Variants in DYNC2I2 observed in about 807,000 individuals in gnomAD.
The protein encoded by DYNC2I2 is dynein 2 intermediate chain 2, also known as cytoplasmic dynein 2 intermediate chain 2.
DYNC2I2 carries 39 observed loss-of-function variants against 52.0 expected under a neutral mutation model. The observed-to-expected ratio is 0.75, with a 90% CI of 0.58 to 0.98. DYNC2I2 has a LOEUF of 0.98. Among genes scored for constraint, DYNC2I2 ranks in the 50% least tolerant of loss-of-function variants. The pLI, the probability that DYNC2I2 is intolerant of heterozygous loss-of-function variation, is 0.00. For missense variants in DYNC2I2, 743 were observed against 728.4 expected (o/e 1.02, Z -0.23); for synonymous variants, 359 against 321.1 (o/e 1.12, Z -1.26).
the DYNC2I2 span, chr9:128,683,675 A>G: frequency 4.0e-5 from 19 of 475,960 alleles, no homozygotes; most frequent in Non-Finnish European, 6.0e-5. Flanking sequence ...AGAGCGAGGC[A>G]GAGAGCAACT....
the DYNC2I2 span, among the ~76,000 whole-genome samples, chr9:128,672,005 G>C: frequency 6.8e-6 from 1 of 146,536 alleles, no homozygotes; most frequent in Non-Finnish European, 1.5e-5. Context: ...ACGGAGTCTC[G>C]CTCTGTCGCC....
chr9:128,673,795 C>T, the DYNC2I2 span, among the ~76,000 whole-genome samples: 1 of 150,534 alleles, frequency 6.6e-6, no homozygotes, highest in East Asian at 1.9e-4. Context: ...CGTGAGCTAC[C>T]GCACCCAGCT....
rs1054532891 is a variant in DYNC2I2, at chr9:128,633,849, A to G, written c.1506T>C (p.Asp502=). ...GCCACACCTTCACTGTGCCCTGGGC[A>G]TCGCCCGCAGCCAAGAGCTGAGTCT... The part of the protein sequence containing the change: ...SQQTQLLAAG[D]AQGTVKVWQL... Residue 502 remains aspartate (D), a synonymous_variant, in exon 9 of 9, where the codon GAT becomes GAC. Transcript: ENST00000372715. The G allele has an allele frequency of 1.2e-6, 2 of 1,613,478 alleles. No homozygotes were observed. Among genetic ancestry groups the G allele is most frequent in the African/African-American group, 2.7e-5 (2 of 74,952 alleles).
At position 128,634,262 on chromosome 9, in the gene DYNC2I2, C is replaced by T. The variant is rs746286697; in HGVS notation, c.1336G>A (p.Val446Met). ...KYLFAVRWSP[V>M]RPLVFAAASG... is the part of the protein sequence containing the mutation. ...GCAGCTGCAAAAACCAAGGGCCGCACTGGGGACCAGCGCACAGCAAACAGA... is the reference window on the plus strand; with the variant it reads ...GCAGCTGCAAAAACCAAGGGCCGCATTGGGGACCAGCGCACAGCAAACAGA... Residue 446 changes from valine to methionine, a missense_variant, in exon 8 of 9, where the codon GTG becomes ATG. Physicochemically the swap from Val to Met is conservative, Grantham distance 21. Coordinates refer to ENST00000372715, the MANE Select transcript of DYNC2I2 (RefSeq NM_052844.4). The T allele has an allele frequency of 9.3e-6, 15 of 1,613,758 alleles. No individual in the cohort carries two copies. The highest frequency in any genetic ancestry group is 1.1e-5 in the South Asian group (1 of 91,088).
At chr9:128,657,067 G>C (rs553509587), upstream of DYNC2I2, among the ~76,000 whole-genome samples, 255 of 152,340 alleles carry the variant, frequency 1.7e-3, no homozygotes, top group African/African-American at 5.7e-3. Context: ...CTGCGGCCGT[G>C]GCCGGCCCGC....
At chr9:128,667,808 C>T in the DYNC2I2 span, among the ~76,000 whole-genome samples, 1 of 150,998 alleles carries the variant, frequency 6.6e-6, no homozygotes, top group Non-Finnish European at 1.5e-5. Context: ...TCTTGGTTCA[C>T]TGCAACCTCT....
the DYNC2I2 span, among the ~76,000 whole-genome samples, chr9:128,684,324 C>T: frequency 2.0e-5 from 3 of 152,088 alleles, no homozygotes; most frequent in African/African-American, 4.8e-5. Flanking sequence ...CCTCCTTCAC[C>T]CCTCCACATC....
intron 1 of DYNC2I2, among the ~76,000 whole-genome samples, chr9:128,641,974 C>CAT (rs1209352592): frequency 3.6e-5 from 5 of 139,528 alleles, no homozygotes; most frequent in African/African-American, 8.4e-5. Flanking sequence ...CATTTATATA[C>CAT]ATACACACAC....
At position 128,634,730 on chromosome 9, in the gene DYNC2I2, G is replaced by T; in HGVS notation, c.1173C>A (p.His391Gln). ...AGCTCACAGAGTAGATGGGACCGCC[G>T]TGGGGGGAGAAGGTAAACTGTGCTG... ...RAPAQFTFSPHGGPIYSVSCS... is the reference protein window; with the variant it reads ...RAPAQFTFSPQGGPIYSVSCS... The change falls in exon 7 of 9, where the codon CAC becomes CAA. Residue 391 changes from histidine (H) to glutamine (Q), a missense_variant. Physicochemically the swap from His to Gln is conservative, Grantham distance 24 (BLOSUM62 0). Transcript: ENST00000372715. 2 of 1,594,854 alleles carry T rather than the reference G, an allele frequency of 1.3e-6. No individual in the cohort carries two copies. The highest frequency in any genetic ancestry group is 1.7e-6 in the Non-Finnish European group (2 of 1,171,418).
chr9:128,647,787 T>C (rs1209764408), intron 1 of DYNC2I2, among the ~76,000 whole-genome samples: 1 of 150,330 alleles, frequency 6.7e-6, no homozygotes, highest in Non-Finnish European at 1.5e-5. Context: ...GGCCAGACTT[T>C]ATGTAATCAG....
At chr9:128,671,691 G>A in the DYNC2I2 span, among the ~76,000 whole-genome samples, 37 of 150,326 alleles carry the variant, frequency 2.5e-4, no homozygotes, top group Non-Finnish European at 3.4e-4. Context: ...TTGCTCTGTC[G>A]CCCAGGCTGG....
At chr9:128,669,637 C>CG in the DYNC2I2 span, among the ~76,000 whole-genome samples, 2 of 152,108 alleles carry the variant, frequency 1.3e-5, no homozygotes, top group African/African-American at 4.8e-5. Context: ...GCATAGGTTG[C>CG]GGTGAGCCGA....
the DYNC2I2 span, chr9:128,683,975 C>A: frequency 6.4e-7 from 1 of 1,556,426 alleles, no homozygotes. Flanking sequence ...CCGGAGGAGA[C>A]ATCGGCCTCT....
chr9:128,651,576 A>G lies in DYNC2I2; in HGVS notation c.186+4965T>C, dbSNP rs557962130. 42 of 56,552 alleles carry G rather than the reference A, an allele frequency of 7.4e-4. 14 individuals carry two copies. The highest frequency in any genetic ancestry group is 1.3e-3 in the African/African-American group (38 of 28,322). 3.5% of individuals were successfully genotyped at this position (56,552 alleles called of 1,614,324 possible). ...CTTGCCAAACTATCAGGAGATGAGA[A>G]GCACACCTTGGAGAGCCACAACTGG... On this transcript the variant is annotated intron_variant, in intron 1 of 8. Coordinates refer to ENST00000372715, the MANE Select transcript of DYNC2I2 (RefSeq NM_052844.4).
At chr9:128,660,556 C>A (rs1291508285), upstream of DYNC2I2, among the ~76,000 whole-genome samples, 9 of 151,668 alleles carry the variant, frequency 5.9e-5, no homozygotes, top group African/African-American at 2.2e-4. Flanking sequence ...CCACCACGCT[C>A]AACTAATTTT....
the DYNC2I2 span, among the ~76,000 whole-genome samples, chr9:128,662,444 T>C: frequency 3.3e-5 from 5 of 151,796 alleles, no homozygotes; most frequent in African/African-American, 1.2e-4. Flanking sequence ...GGAGTTTTGC[T>C]CTTGTTGCCC....
the DYNC2I2 span, among the ~76,000 whole-genome samples, chr9:128,677,714 G>A: frequency 6.6e-6 from 1 of 151,534 alleles, no homozygotes. Flanking sequence ...GGCTGAGACA[G>A]GAGAATCGGT....
chr9:128,634,587 A>G, intron 7 of DYNC2I2, 102 bp downstream of exon 7: 2 of 1,346,734 alleles, frequency 1.5e-6, no homozygotes, highest in South Asian at 3.0e-5. Context: ...GAGTGGGCAG[A>G]AGGCAAGCAC....
intron 1 of DYNC2I2, among the ~76,000 whole-genome samples, chr9:128,641,562 G>A (rs1246009376): frequency 6.6e-6 from 1 of 152,142 alleles, no homozygotes; most frequent in Non-Finnish European, 1.5e-5. Flanking sequence ...GGCAGGAGAG[G>A]CCAGCCTCCC....
Sources: gnomAD v4.1 joint callset for allele counts (sites outside exome capture counted in the v4.1 genomes callset) on GRCh38, gnomAD v4.1.1 for gene constraint, MANE v1.5 for transcripts, NCBI Gene and HGNC (gene_info 2026-07-23, HGNC 2026-07-21) for gene names.